Variants in LHFPL3 observed in about 807,000 individuals in gnomAD.
LHFPL3 encodes the protein LHFPL tetraspan subfamily member 3 protein.
LHFPL3 carries 5 observed loss-of-function variants against 19.3 expected under a neutral mutation model. The ratio of observed to expected loss-of-function variants is 0.26; its 90% CI spans 0.14 to 0.54. The LOEUF (loss-of-function observed/expected upper bound fraction) is 0.54, where lower values mean the gene tolerates loss of function less well. Among genes scored for constraint, LHFPL3 ranks in the 20% least tolerant of loss-of-function variants. LHFPL3 has a pLI of 0.94. For synonymous variants in LHFPL3, 133 were observed against 126.2 expected (o/e 1.05, Z -0.36); for missense variants, 249 against 307.4 (o/e 0.81, Z 1.42).
chr7:104,817,091 A>T lies in LHFPL3; in HGVS notation c.682+80180A>T, dbSNP rs62484326. ...ACCCTGGCCTTCCTAGCCCACAAGG[A>T]TCTCTCCCTGCCTCTGCCTATCTAC... On this transcript the variant is annotated intron_variant, in intron 2 of 2. Coordinates refer to ENST00000424859, the MANE Select transcript of LHFPL3 (RefSeq NM_199000.3). Among the ~76,000 whole-genome samples the T allele has an allele frequency of 4.2e-3, 645 of 152,116 alleles. 5 individuals carry two copies. The highest frequency in any genetic ancestry group is 7.5e-3 in the Non-Finnish European group (509 of 67,976).
intron 1 of LHFPL3, among the ~76,000 whole-genome samples, chr7:104,576,892 A>T (rs1584413247): frequency 6.6e-6 from 1 of 152,276 alleles, no homozygotes; most frequent in East Asian, 1.9e-4. Context: ...GAATGTGGTT[A>T]TCTCCCTTAC....
At chr7:104,779,340 C>G (rs1794682069) in intron 2 of LHFPL3, among the ~76,000 whole-genome samples, 1 of 152,186 alleles carries the variant, frequency 6.6e-6, no homozygotes, top group Admixed American at 6.5e-5. Flanking sequence ...CACTAGACTT[C>G]AAGCTCCTGA....
At chr7:104,348,374 A>G (rs1039675562) in intron 1 of LHFPL3, among the ~76,000 whole-genome samples, 1 of 152,192 alleles carries the variant, frequency 6.6e-6, no homozygotes. Context: ...ACAGAGCGAG[A>G]CTCCGTCTCA....
At position 104,908,381 on chromosome 7, in the gene LHFPL3, T is replaced by A. The variant is rs1029095544; in HGVS notation, c.*2166T>A. Reference sequence around the variant, plus strand: ...TGTTAATTAAATATAAGAAGTAGGTTTTTATCTTTTTAAAAAAAAAACAAA... The same window carrying A: ...TGTTAATTAAATATAAGAAGTAGGTATTTATCTTTTTAAAAAAAAAACAAA... On this transcript the variant is annotated 3_prime_UTR_variant, in exon 3 of 3. Transcript: ENST00000424859. 2.6e-5 allele frequency among the ~76,000 whole-genome samples: 4 copies of A among 152,112 alleles called. No homozygotes were observed. The highest frequency in any genetic ancestry group is 5.9e-5 in the Non-Finnish European group (4 of 68,022).
intron 2 of LHFPL3, among the ~76,000 whole-genome samples, chr7:104,777,529 C>A (rs1174905577): frequency 6.6e-6 from 1 of 152,208 alleles, no homozygotes; most frequent in Non-Finnish European, 1.5e-5. Flanking sequence ...CCTAAGGATG[C>A]CTTTTGGTTG....
chr7:104,408,179 A>G (rs540586178), intron 1 of LHFPL3, among the ~76,000 whole-genome samples: 1 of 152,304 alleles, frequency 6.6e-6, no homozygotes, highest in South Asian at 2.1e-4. Flanking sequence ...TGCAATGACT[A>G]AGGCAATATT....
At chr7:104,842,184 T>TA (rs11429366) in intron 2 of LHFPL3, among the ~76,000 whole-genome samples, 30,358 of 141,310 alleles carry the variant, frequency 0.21, 3,444 homozygotes, top group South Asian at 0.36. Context: ...CACAATCCTT[T>TA]AAAAAAAAAA....
In LHFPL3 at chr7:104,611,485, G is replaced by T. The variant is rs567283783; in HGVS notation, c.446-125190G>T. Among the ~76,000 whole-genome samples, 144 of 152,312 alleles carry T rather than the reference G, an allele frequency of 9.5e-4. 1 individual carries two copies. Among genetic ancestry groups the T allele is most frequent in the African/African-American group, 3.3e-3 (137 of 41,580 alleles). On this transcript the variant is annotated intron_variant, in intron 1 of 2. Coordinates refer to ENST00000424859, the MANE Select transcript of LHFPL3 (RefSeq NM_199000.3). Reference sequence around the variant, plus strand: ...TTTGCCTTAGCTAACTAAAGAAAGGGTGTGTGTTACAATACTTGACAGTGT... The same window carrying T: ...TTTGCCTTAGCTAACTAAAGAAAGGTTGTGTGTTACAATACTTGACAGTGT...
chr7:104,600,239 A>G (rs1214540414), intron 1 of LHFPL3, among the ~76,000 whole-genome samples: 2 of 152,246 alleles, frequency 1.3e-5, no homozygotes, highest in African/African-American at 2.4e-5. Context: ...ACAGTACTTC[A>G]CTATTTGAAT....
chr7:104,906,155 C>T (rs973191540), intron 2 of LHFPL3, 32 bp from the exon 3 acceptor site: 1 of 1,604,440 alleles, frequency 6.2e-7, no homozygotes, highest in Non-Finnish European at 8.5e-7. Context: ...TCCCCCCACC[C>T]TTTTTCTCTC....
chr7:104,488,386 A>G (rs984135930), intron 1 of LHFPL3, among the ~76,000 whole-genome samples: 11 of 152,090 alleles, frequency 7.2e-5, no homozygotes, highest in South Asian at 6.2e-4. Flanking sequence ...TGCTCTTTTC[A>G]TTGGTTCACT....
At chr7:104,747,405 G>A (rs939119236) in intron 2 of LHFPL3, among the ~76,000 whole-genome samples, 8 of 152,124 alleles carry the variant, frequency 5.3e-5, no homozygotes, top group African/African-American at 1.9e-4. Context: ...ATTCTGCCCA[G>A]GCAGAAGAAA....
chr7:104,506,536 A>G (rs1793702735), intron 1 of LHFPL3, among the ~76,000 whole-genome samples: 1 of 152,242 alleles, frequency 6.6e-6, no homozygotes, highest in African/African-American at 2.4e-5. Context: ...TATACCCAGC[A>G]CCTACTGTGG....
chr7:104,845,331 G>C, intron 2 of LHFPL3: 1 of 1,004,940 alleles, frequency 1.0e-6, no homozygotes, highest in Non-Finnish European at 1.5e-6. Context: ...AATGAAGTGT[G>C]AGCTCTTATT....
intron 1 of LHFPL3, among the ~76,000 whole-genome samples, chr7:104,641,074 G>T (rs982920076): frequency 6.6e-6 from 1 of 152,208 alleles, no homozygotes; most frequent in Non-Finnish European, 1.5e-5. Flanking sequence ...AATCAGGCAG[G>T]CTAGGTTGAA....
At chr7:104,383,884 T>C (rs1790882110) in intron 1 of LHFPL3, among the ~76,000 whole-genome samples, 1 of 152,214 alleles carries the variant, frequency 6.6e-6, no homozygotes, top group African/African-American at 2.4e-5. Context: ...ATATGCCTTG[T>C]GGAATTATTT....
chr7:104,341,426 C>G (rs1562869250), intron 1 of LHFPL3, among the ~76,000 whole-genome samples: 2 of 152,194 alleles, frequency 1.3e-5, no homozygotes, highest in African/African-American at 4.8e-5. Flanking sequence ...TGACTATGAT[C>G]CAAACTACTG....
chr7:104,533,608 C>A (rs909775470), intron 1 of LHFPL3, among the ~76,000 whole-genome samples: 4 of 152,212 alleles, frequency 2.6e-5, no homozygotes, highest in African/African-American at 9.6e-5. Flanking sequence ...TAATTTCCAT[C>A]TCTGCTTCTT....
intron 1 of LHFPL3, among the ~76,000 whole-genome samples, chr7:104,720,333 G>A (rs1018461375): frequency 6.6e-6 from 1 of 152,152 alleles, no homozygotes; most frequent in African/African-American, 2.4e-5. Context: ...AAACTGGCTA[G>A]CCATATGTAG....
Sources: allele counts gnomAD v4.1 joint callset (sites outside exome capture counted in the v4.1 genomes callset), GRCh38; gene constraint gnomAD v4.1.1; transcripts MANE v1.5; gene names NCBI Gene and HGNC (gene_info 2026-07-23, HGNC 2026-07-21).